Variants in SHISA9 observed in about 807,000 individuals in gnomAD.
The protein encoded by SHISA9 is protein shisa-9.
SHISA9 carries 13 observed loss-of-function variants against 38.0 expected under a neutral mutation model. The observed-to-expected ratio is 0.34, with a 90% CI of 0.22 to 0.54. The LOEUF (loss-of-function observed/expected upper bound fraction) is 0.54. Among genes scored for constraint, SHISA9 ranks in the 20% least tolerant of loss-of-function variants. The pLI is 0.91. For missense variants in SHISA9, 538 were observed against 575.8 expected, an observed-to-expected ratio of 0.93 and a Z score of 0.67; for synonymous variants, 275 against 242.0, an observed-to-expected ratio of 1.14 and a Z score of -1.27.
At chr16:13,029,140 A>G (rs949775050) in intron 2 of SHISA9, among the ~76,000 whole-genome samples, 1 of 152,228 alleles carries the variant, frequency 6.6e-6, no homozygotes, top group African/African-American at 2.4e-5. Flanking sequence ...ATTACTGGGT[A>G]TATACCCCAA....
chr16:13,422,214 T>C, the SHISA9 span, among the ~76,000 whole-genome samples: 4 of 152,320 alleles, frequency 2.6e-5, no homozygotes, highest in South Asian at 8.3e-4. Flanking sequence ...TCAGTGAGGC[T>C]CCAAGGATGT....
chr16:13,430,097 A>C, the SHISA9 span, among the ~76,000 whole-genome samples: 1 of 152,058 alleles, frequency 6.6e-6, no homozygotes, highest in African/African-American at 2.4e-5. Flanking sequence ...ACAGGCATCT[A>C]TAAGTCCAAG....
At chr16:13,388,182 A>C in the SHISA9 span, among the ~76,000 whole-genome samples, 1 of 152,182 alleles carries the variant, frequency 6.6e-6, no homozygotes, top group Admixed American at 6.6e-5. Context: ...GGAACAGAAG[A>C]AAAAGGAAGG....
intron 1 of SHISA9, among the ~76,000 whole-genome samples, chr16:12,915,708 C>T (rs1471155037): frequency 6.6e-6 from 1 of 152,174 alleles, no homozygotes; most frequent in African/African-American, 2.4e-5. Flanking sequence ...TATGCAGCGG[C>T]TGCAAGGGAT....
At chr16:13,493,385 C>T in the SHISA9 span, among the ~76,000 whole-genome samples, 2 of 152,150 alleles carry the variant, frequency 1.3e-5, no homozygotes, top group Admixed American at 6.5e-5. Flanking sequence ...TGCAGGATTG[C>T]AATAGCACTG....
intron 2 of SHISA9, among the ~76,000 whole-genome samples, chr16:13,057,640 T>G (rs1308497532): frequency 1.3e-5 from 2 of 152,106 alleles, no homozygotes; most frequent in Non-Finnish European, 1.5e-5. Flanking sequence ...TAAGTGATAC[T>G]TTTTTATTTT....
intron 2 of SHISA9, among the ~76,000 whole-genome samples, chr16:12,927,642 C>T (rs1194549312): frequency 6.6e-6 from 1 of 151,522 alleles, no homozygotes; most frequent in Non-Finnish European, 1.5e-5. Flanking sequence ...CTCCTGGACT[C>T]AAGCAATCCT....
chr16:12,960,579 T>C (rs903346579), intron 2 of SHISA9, among the ~76,000 whole-genome samples: 1 of 152,204 alleles, frequency 6.6e-6, no homozygotes, highest in African/African-American at 2.4e-5. Context: ...TGGAATACTA[T>C]GCAGCCATAA....
At chr16:13,031,041 C>T (rs2072984966) in intron 2 of SHISA9, among the ~76,000 whole-genome samples, 1 of 152,144 alleles carries the variant, frequency 6.6e-6, no homozygotes, top group East Asian at 1.9e-4. Context: ...ATCTTCCAGC[C>T]GTTTATATGT....
At chr16:13,480,669 C>G in the SHISA9 span, among the ~76,000 whole-genome samples, 1 of 152,144 alleles carries the variant, frequency 6.6e-6, no homozygotes, top group Non-Finnish European at 1.5e-5. Flanking sequence ...GAAGCAAACC[C>G]TATCAGCCTC....
chr16:13,003,051 C>T (rs964506354), intron 2 of SHISA9, among the ~76,000 whole-genome samples: 2 of 152,074 alleles, frequency 1.3e-5, no homozygotes, highest in Non-Finnish European at 2.9e-5. Flanking sequence ...TTGGTGTTGG[C>T]CAGGGGAGCA....
the SHISA9 span, among the ~76,000 whole-genome samples, chr16:13,446,308 A>G: frequency 6.6e-6 from 1 of 152,148 alleles, no homozygotes; most frequent in Non-Finnish European, 1.5e-5. Flanking sequence ...GAGCAGGTTT[A>G]CTGTAACATT....
the SHISA9 span, among the ~76,000 whole-genome samples, chr16:13,369,953 A>G: frequency 1.3e-5 from 2 of 152,234 alleles, no homozygotes; most frequent in African/African-American, 2.4e-5. Flanking sequence ...TTCCTTTTTT[A>G]TGGGTGAGTA....
At chr16:12,966,294 C>T (rs1236823883) in intron 2 of SHISA9, among the ~76,000 whole-genome samples, 1 of 152,160 alleles carries the variant, frequency 6.6e-6, no homozygotes, top group African/African-American at 2.4e-5. Context: ...TAAGACCAAG[C>T]TCCAGTGCTA....
In SHISA9 at chr16:12,923,086, C is replaced by T. The variant is rs932384389; in HGVS notation, c.691+6271C>T. ...AGGTGATCCTGCTGCCTCAGCCTTC[C>T]GAGTAGCTCTATACATTTCTGTCCA... On this transcript the variant is annotated intron_variant, in intron 2 of 4. Coordinates refer to ENST00000558583, the MANE Select transcript of SHISA9 (RefSeq NM_001145204.3). Among the ~76,000 whole-genome samples, 9 of 152,226 alleles carry T rather than the reference C, an allele frequency of 5.9e-5. No individual in the cohort carries two copies. In the South Asian group the frequency reaches 6.2e-4, roughly 11 times the overall value.
the SHISA9 span, among the ~76,000 whole-genome samples, chr16:13,279,783 G>A: frequency 1.3e-5 from 2 of 151,814 alleles, no homozygotes; most frequent in African/African-American, 4.8e-5. Context: ...TGTTTTGGAT[G>A]TCTGTTTTCA....
At chr16:13,516,341 A>T in the SHISA9 span, among the ~76,000 whole-genome samples, 3 of 152,218 alleles carry the variant, frequency 2.0e-5, no homozygotes, top group African/African-American at 4.8e-5. Flanking sequence ...AGCAGAAAGA[A>T]CATGTTTTTA....
intron 2 of SHISA9, among the ~76,000 whole-genome samples, chr16:13,113,504 A>G (rs1265777121): frequency 2.0e-5 from 3 of 152,234 alleles, no homozygotes; most frequent in Non-Finnish European, 2.9e-5. Flanking sequence ...TTGGTATAGC[A>G]TCTCTGAATT....
intron 2 of SHISA9, among the ~76,000 whole-genome samples, chr16:12,976,148 C>T (rs1300312050): frequency 5.9e-5 from 9 of 152,042 alleles, no homozygotes; most frequent in South Asian, 2.1e-4. Flanking sequence ...AGTGCAGTGG[C>T]GTGATCCCGG....
Sources: gnomAD v4.1 joint callset for allele counts (sites outside exome capture counted in the v4.1 genomes callset) on GRCh38, gnomAD v4.1.1 for gene constraint, MANE v1.5 for transcripts, NCBI Gene and HGNC (gene_info 2026-07-23, HGNC 2026-07-21) for gene names.